LINGO2: variants seen among roughly 807,000 people sequenced by gnomAD.
The protein encoded by LINGO2 is leucine-rich repeat and immunoglobulin-like domain-containing nogo receptor-interacting protein 2.
A neutral mutation model predicts 30.6 loss-of-function variants in LINGO2; 14 were observed. The observed-to-expected ratio is 0.46, with a 90% CI of 0.30 to 0.72. The LOEUF is 0.72. LINGO2 is among the 30% of genes least tolerant of loss of function. The pLI is 0.07. For synonymous variants in LINGO2, 317 were observed against 288.5 expected, an observed-to-expected ratio of 1.10 and a Z score of -1.00; for missense variants, 729 against 751.7, an observed-to-expected ratio of 0.97 and a Z score of 0.35.
At chr9:28,278,108 A>G (rs1306490317) in intron 4 of LINGO2, among the ~76,000 whole-genome samples, 1 of 152,208 alleles carries the variant, frequency 6.6e-6, no homozygotes, top group Non-Finnish European at 1.5e-5. Flanking sequence ...CATTAAGCCA[A>G]AGCCTAATCC....
At chr9:28,270,015 A>G (rs1275421878) in intron 4 of LINGO2, among the ~76,000 whole-genome samples, 1 of 152,164 alleles carries the variant, frequency 6.6e-6, no homozygotes, top group East Asian at 1.9e-4. Flanking sequence ...CAGGCAGGAA[A>G]GCAGGGATTC....
intron 1 of LINGO2, among the ~76,000 whole-genome samples, chr9:28,523,058 C>T (rs1267380217): frequency 1.3e-5 from 2 of 151,668 alleles, no homozygotes; most frequent in Admixed American, 6.6e-5. Context: ...GAAAATCTAA[C>T]ACAGCCATAA....
chr9:28,185,114 T>C (rs12340138), intron 4 of LINGO2, among the ~76,000 whole-genome samples: 4,339 of 152,246 alleles, frequency 0.028, 212 homozygotes, highest in African/African-American at 0.099. Flanking sequence ...CCCAAAATAG[T>C]GTCTTCAGAA....
chr9:28,525,792 AC>A (rs1821002262), intron 1 of LINGO2, among the ~76,000 whole-genome samples: 1 of 152,174 alleles, frequency 6.6e-6, no homozygotes, highest in African/African-American at 2.4e-5. Context: ...GCAGTGGCTC[AC>A]GCCTGTAATC....
At chr9:28,790,346 T>TG in the LINGO2 span, among the ~76,000 whole-genome samples, 6 of 138,690 alleles carry the variant, frequency 4.3e-5, no homozygotes, top group Admixed American at 7.3e-5. Context: ...TTTTTTTTTT[T>TG]GAGACGGAAT....
At chr9:28,374,206 T>TATATATA (rs1554713022) in intron 2 of LINGO2, among the ~76,000 whole-genome samples, 2,289 of 109,702 alleles carry the variant, frequency 0.021, 42 homozygotes, top group East Asian at 0.093. Context: ...AAATATGTTT[T>TATATATA]TATTTATATA....
chr9:28,134,563 C>T (rs1233893451), intron 4 of LINGO2, among the ~76,000 whole-genome samples: 2 of 151,976 alleles, frequency 1.3e-5, no homozygotes, highest in Admixed American at 6.5e-5. Flanking sequence ...GCTTGGAGAC[C>T]CAGAGGTAGC....
chr9:28,919,636 G>C, the LINGO2 span, among the ~76,000 whole-genome samples: 54 of 152,108 alleles, frequency 3.6e-4, no homozygotes, highest in African/African-American at 1.2e-3. Context: ...GTGCAGGCAT[G>C]GACATTCTTT....
In LINGO2 at chr9:28,145,620, AT is replaced by A. The variant is rs1476628697; in HGVS notation, c.-86-133216del. Reference sequence around the variant, plus strand: ...CCAGATTTGAGAAAACCATGTGTTAATTTTTTTCTTCTCTCTCTCCTTCTCT... The same window carrying A: ...CCAGATTTGAGAAAACCATGTGTTAATTTTTTCTTCTCTCTCTCCTTCTCT... On this transcript the variant is annotated intron_variant, in intron 4 of 5. Transcript: ENST00000379992. 5.3e-5 allele frequency among the ~76,000 whole-genome samples: 8 copies of A among 151,882 alleles called. No individual in the cohort carries two copies. The East Asian group carries it at 1.6e-3, about 30-fold the overall frequency.
the LINGO2 span, among the ~76,000 whole-genome samples, chr9:28,712,533 ATTACT>A: frequency 6.6e-6 from 1 of 151,376 alleles, no homozygotes; most frequent in Non-Finnish European, 1.5e-5. Flanking sequence ...TTACAGAAAA[ATTACT>A]TAAATTATTT....
the LINGO2 span, among the ~76,000 whole-genome samples, chr9:29,164,794 T>A: frequency 6.6e-6 from 1 of 152,088 alleles, no homozygotes; most frequent in African/African-American, 2.4e-5. Context: ...AGTATAAGAA[T>A]TGAATGAAAT....
the LINGO2 span, among the ~76,000 whole-genome samples, chr9:28,942,926 G>C: frequency 6.6e-6 from 1 of 152,112 alleles, no homozygotes; most frequent in Non-Finnish European, 1.5e-5. Context: ...AGGCTTAAGG[G>C]AATTAAGTGA....
At chr9:28,708,346 G>C in the LINGO2 span, among the ~76,000 whole-genome samples, 1 of 152,056 alleles carries the variant, frequency 6.6e-6, no homozygotes, top group South Asian at 2.1e-4. Context: ...GATCCCCAAG[G>C]AGAGCTCCTT....
At chr9:28,902,565 CA>C in the LINGO2 span, among the ~76,000 whole-genome samples, 3 of 152,092 alleles carry the variant, frequency 2.0e-5, no homozygotes, top group African/African-American at 4.8e-5. Context: ...GCATTCTATC[CA>C]ATAGCAGCAG....
At chr9:28,646,656 T>C (rs1001426923) in intron 1 of LINGO2, among the ~76,000 whole-genome samples, 6 of 152,048 alleles carry the variant, frequency 3.9e-5, no homozygotes, top group African/African-American at 7.2e-5. Flanking sequence ...GGAGAAGATA[T>C]AGGATTTGGA....
At chr9:29,149,538 T>C in the LINGO2 span, among the ~76,000 whole-genome samples, 36,231 of 150,174 alleles carry the variant, frequency 0.24, 4,527 homozygotes, top group East Asian at 0.44. Flanking sequence ...AGGGAGAAAG[T>C]CGGGAACCTT....
At chr9:28,008,341 G>T (rs944367678) in intron 5 of LINGO2, among the ~76,000 whole-genome samples, 1 of 151,976 alleles carries the variant, frequency 6.6e-6, no homozygotes, top group African/African-American at 2.4e-5. Flanking sequence ...TAATATAGAT[G>T]ATATCTATAA....
the LINGO2 span, among the ~76,000 whole-genome samples, chr9:29,023,444 A>C: frequency 6.6e-6 from 1 of 152,122 alleles, no homozygotes; most frequent in Non-Finnish European, 1.5e-5. Context: ...CATTTGAAAA[A>C]TTAAATAATA....
intron 4 of LINGO2, among the ~76,000 whole-genome samples, chr9:28,058,938 T>C (rs1304938137): frequency 6.6e-6 from 1 of 152,196 alleles, no homozygotes; most frequent in Non-Finnish European, 1.5e-5. Flanking sequence ...CAATTATATA[T>C]AAATTGGTGT....
Sources: gnomAD v4.1 joint callset for allele counts (sites outside exome capture counted in the v4.1 genomes callset) on GRCh38, gnomAD v4.1.1 for gene constraint, MANE v1.5 for transcripts, NCBI Gene and HGNC (gene_info 2026-07-23, HGNC 2026-07-21) for gene names.